The following CFAP77 variants were observed in gnomAD, a reference collection of about 807,000 sequenced individuals.
CFAP77 encodes cilia and flagella associated protein 77, also known as cilia- and flagella-associated protein 77.
CFAP77 carries 25 observed loss-of-function variants against 31.1 expected under a neutral mutation model. The ratio of observed to expected loss-of-function variants is 0.80; its 90% CI spans 0.59 to 1.12. The LOEUF is 1.12. Among genes scored for constraint, CFAP77 ranks in the 50% most tolerant of loss-of-function variants. The probability of loss-of-function intolerance (pLI) is 0.00; values close to 1 mark genes in which losing one functional copy is unlikely to be tolerated. For synonymous variants in CFAP77, 151 were observed against 159.9 expected (o/e 0.94, Z 0.42); for missense variants, 377 against 397.3 (o/e 0.95, Z 0.44).
At chr9:132,445,768 C>G (rs1313801997) in intron 1 of CFAP77, among the ~76,000 whole-genome samples, 1 of 150,494 alleles carries the variant, frequency 6.6e-6, no homozygotes, top group Non-Finnish European at 1.5e-5. Flanking sequence ...ATTCAGGAGG[C>G]TGAGACAGGA....
At chr9:132,553,161 G>C (rs1852848498) in intron 5 of CFAP77, among the ~76,000 whole-genome samples, 1 of 152,228 alleles carries the variant, frequency 6.6e-6, no homozygotes, top group African/African-American at 2.4e-5. Context: ...TGGAGAGAGA[G>C]AGAGGAAGCA....
chr9:132,416,834 C>T (rs1017914776), intron 1 of CFAP77, among the ~76,000 whole-genome samples: 1 of 151,846 alleles, frequency 6.6e-6, no homozygotes, highest in African/African-American at 2.4e-5. Context: ...GACAGGGTTT[C>T]ACCACGTTGG....
intron 1 of CFAP77, among the ~76,000 whole-genome samples, chr9:132,485,497 A>T (rs1392446225): frequency 6.6e-6 from 1 of 152,114 alleles, no homozygotes; most frequent in Non-Finnish European, 1.5e-5. Context: ...TTCTGTTTGG[A>T]TTGCCATGTG....
Position 132,554,274 on chromosome 9 carries a change from C to T in CFAP77, c.732+11227C>T, listed in dbSNP as rs748717052. Among the ~76,000 whole-genome samples, 3 of 152,168 alleles carry T rather than the reference C, an allele frequency of 2.0e-5. No individual in the cohort carries two copies. The highest frequency in any genetic ancestry group is 4.4e-5 in the Non-Finnish European group (3 of 68,036). ...GCAGAAATTGAGCAAGGGTTAGAAT[C>T]TGTTTAAACCAGGGGCCTGAGAGTT... On this transcript the variant is annotated intron_variant, in intron 5 of 5. Coordinates refer to ENST00000393216, the MANE Select transcript of CFAP77 (RefSeq NM_001282957.2). This position sits in a 1 kb window ranked among gnomAD's most constrained non-coding sequence, Gnocchi z 4.1.
At position 132,565,358 on chromosome 9, in the gene CFAP77, C is replaced by T. The variant is rs759937821; in HGVS notation, c.733-7030C>T. 2.0e-5 allele frequency among the ~76,000 whole-genome samples: 3 copies of T among 152,062 alleles called. No homozygotes were observed. Among genetic ancestry groups the T allele is most frequent in the South Asian group, 2.1e-4 (1 of 4,808 alleles). Reference sequence around the variant, plus strand: ...TAAATAGCTCTTGTCGGCCTGGTGCCGTGGCTCACGCCTGTAATCCCAGCA... The same window carrying T: ...TAAATAGCTCTTGTCGGCCTGGTGCTGTGGCTCACGCCTGTAATCCCAGCA... On this transcript the variant is annotated intron_variant, in intron 5 of 5. Coordinates refer to ENST00000393216, the MANE Select transcript of CFAP77 (RefSeq NM_001282957.2). This position sits in a 1 kb window ranked among gnomAD's most constrained non-coding sequence, Gnocchi z 4.1.
At chr9:132,558,505 G>A (rs1420352267) in intron 5 of CFAP77, among the ~76,000 whole-genome samples, 1 of 152,160 alleles carries the variant, frequency 6.6e-6, no homozygotes, top group Non-Finnish European at 1.5e-5. Flanking sequence ...AGGAGTTCAA[G>A]ACTAGCCTGG....
chr9:132,445,121 G>A (rs1164904580), intron 1 of CFAP77, among the ~76,000 whole-genome samples: 2 of 151,786 alleles, frequency 1.3e-5, no homozygotes, highest in Non-Finnish European at 2.9e-5. Flanking sequence ...TTATAGGCAC[G>A]CACCACCATG....
At chr9:132,560,462 A>G (rs1041321245) in intron 5 of CFAP77, among the ~76,000 whole-genome samples, 7 of 152,260 alleles carry the variant, frequency 4.6e-5, no homozygotes, top group African/African-American at 1.7e-4. Context: ...CCTAGCGTCT[A>G]GCAAACAGCT....
At chr9:132,546,079 G>A (rs1852723785) in intron 5 of CFAP77, among the ~76,000 whole-genome samples, 1 of 152,196 alleles carries the variant, frequency 6.6e-6, no homozygotes, top group South Asian at 2.1e-4. Flanking sequence ...ACAGAGTAGG[G>A]GATCAGTAAA....
At chr9:132,524,068 C>G (rs1368990160) in intron 3 of CFAP77, among the ~76,000 whole-genome samples, 1 of 151,980 alleles carries the variant, frequency 6.6e-6, no homozygotes, top group Non-Finnish European at 1.5e-5. Flanking sequence ...AACTCCTGAG[C>G]TCAAGAGATC....
At chr9:132,486,520 C>A (rs886952842) in intron 1 of CFAP77, among the ~76,000 whole-genome samples, 1 of 152,172 alleles carries the variant, frequency 6.6e-6, no homozygotes, top group Non-Finnish European at 1.5e-5. Flanking sequence ...TGGCTCTGTT[C>A]GTAATCTCAG....
chr9:132,526,601 A>C (rs1382821077), intron 3 of CFAP77, among the ~76,000 whole-genome samples: 1 of 132,242 alleles, frequency 7.6e-6, no homozygotes, highest in East Asian at 2.2e-4. Flanking sequence ...ATTGATAGAC[A>C]GCTAGCAAGA....
chr9:132,448,406 C>A (rs1278393299), intron 1 of CFAP77, among the ~76,000 whole-genome samples: 1 of 152,118 alleles, frequency 6.6e-6, no homozygotes, highest in East Asian at 1.9e-4. Flanking sequence ...ACAGCTTTGG[C>A]TCAGGCAGAC....
At chr9:132,447,938 C>T (rs1306402400) in intron 1 of CFAP77, among the ~76,000 whole-genome samples, 3 of 152,062 alleles carry the variant, frequency 2.0e-5, no homozygotes, top group South Asian at 2.1e-4. Flanking sequence ...TTACAGCAGC[C>T]GCTGTATTAT....
chr9:132,486,197 G>A (rs1233534423), intron 1 of CFAP77, among the ~76,000 whole-genome samples: 1 of 143,940 alleles, frequency 6.9e-6, no homozygotes, highest in Non-Finnish European at 1.5e-5. Flanking sequence ...GGTTCGTGCC[G>A]TTCTCCTGCC....
At position 132,554,460 on chromosome 9, in the gene CFAP77, C is replaced by A. The variant is rs1281126696; in HGVS notation, c.732+11413C>A. On this transcript the variant is annotated intron_variant, in intron 5 of 5. Transcript: ENST00000393216. The surrounding 1 kb of genome is among the most constrained non-coding windows in gnomAD (Gnocchi z 4.1). ...CAGGTGATCCCCCACCTCAGCCTCCCAAGTAGTTGGGACTACAGGTGCACA... is the reference window on the plus strand; with the variant it reads ...CAGGTGATCCCCCACCTCAGCCTCCAAAGTAGTTGGGACTACAGGTGCACA... 2.6e-5 allele frequency among the ~76,000 whole-genome samples: 4 copies of A among 152,092 alleles called. No homozygotes were observed.
chr9:132,488,731 G>A (rs528711763), intron 1 of CFAP77, among the ~76,000 whole-genome samples: 3 of 152,224 alleles, frequency 2.0e-5, no homozygotes, highest in East Asian at 3.8e-4. Flanking sequence ...GCTTCCGGGC[G>A]CTGGGGCTGC....
intron 3 of CFAP77, among the ~76,000 whole-genome samples, chr9:132,505,556 A>C (rs1187463677): frequency 1.3e-5 from 2 of 152,066 alleles, no homozygotes; most frequent in African/African-American, 4.8e-5. Flanking sequence ...TGGCTAAATC[A>C]ATCCACAGAG....
chr9:132,454,446 C>A (rs1850879637), intron 1 of CFAP77, among the ~76,000 whole-genome samples: 1 of 152,138 alleles, frequency 6.6e-6, no homozygotes, highest in Admixed American at 6.5e-5. Context: ...TAAAGTGGAA[C>A]TAAGCTTCTT....
Sources: allele counts gnomAD v4.1 joint callset (sites outside exome capture counted in the v4.1 genomes callset), GRCh38; gene constraint gnomAD v4.1.1; non-coding constraint Gnocchi (gnomAD v3.1); transcripts MANE v1.5; gene names NCBI Gene and HGNC (gene_info 2026-07-23, HGNC 2026-07-21).